TRABD2B: variants seen among roughly 807,000 people sequenced by gnomAD.
The protein encoded by TRABD2B is metalloprotease TIKI2.
A neutral mutation model predicts 40.1 loss-of-function variants in TRABD2B; 14 were observed. The observed-to-expected ratio is 0.35, with a 90% CI of 0.23 to 0.55. The LOEUF is 0.55. TRABD2B is among the 20% of genes least tolerant of loss of function. TRABD2B has a pLI of 0.90. For missense variants in TRABD2B, 541 were observed against 648.6 expected (o/e 0.83, Z 1.80); for synonymous variants, 263 against 277.0 (o/e 0.95, Z 0.50).
intron 2 of TRABD2B, among the ~76,000 whole-genome samples, chr1:47,937,936 C>T (rs543871942): frequency 1.3e-5 from 2 of 152,298 alleles, no homozygotes; most frequent in East Asian, 1.9e-4. Context: ...TTCCTTGTTC[C>T]AAGAGGATAT....
At chr1:47,930,721 A>G (rs1179422665) in intron 2 of TRABD2B, among the ~76,000 whole-genome samples, 2 of 151,744 alleles carry the variant, frequency 1.3e-5, no homozygotes, top group African/African-American at 4.8e-5. Context: ...TGAATCACAC[A>G]ACTCCTCTCT....
At chr1:47,891,822 A>AAAC (rs960357317) in intron 2 of TRABD2B, among the ~76,000 whole-genome samples, 2 of 152,018 alleles carry the variant, frequency 1.3e-5, no homozygotes, top group African/African-American at 4.8e-5. Context: ...AAACAAAACA[A>AAAC]AACAACAACA....
chr1:47,875,504 T>C (rs1007659309), intron 2 of TRABD2B, among the ~76,000 whole-genome samples: 4 of 151,530 alleles, frequency 2.6e-5, no homozygotes, highest in African/African-American at 7.3e-5. Context: ...CTGGGCAATA[T>C]GGCAAAACCC....
At chr1:47,859,815 G>A (rs191811244) in intron 2 of TRABD2B, among the ~76,000 whole-genome samples, 122 of 152,270 alleles carry the variant, frequency 8.0e-4, no homozygotes, top group African/African-American at 2.5e-3. Flanking sequence ...CAGGGCTGAC[G>A]TCATTCTATT....
At chr1:47,829,048 G>T (rs537370949) in intron 2 of TRABD2B, among the ~76,000 whole-genome samples, 1 of 152,300 alleles carries the variant, frequency 6.6e-6, no homozygotes, top group Admixed American at 6.5e-5. Context: ...GGGGAGGGCA[G>T]GGAGGGTCAT....
intron 2 of TRABD2B, among the ~76,000 whole-genome samples, chr1:47,940,959 A>C (rs543587721): frequency 1.3e-5 from 2 of 152,142 alleles, no homozygotes; most frequent in African/African-American, 4.8e-5. Flanking sequence ...AGCCCAGAAG[A>C]GCAGTAGGGC....
intron 2 of TRABD2B, among the ~76,000 whole-genome samples, chr1:47,868,616 C>T (rs907093641): frequency 6.6e-6 from 1 of 152,136 alleles, no homozygotes; most frequent in Non-Finnish European, 1.5e-5. Flanking sequence ...GCTGCATGCT[C>T]CTTAGGAGAA....
At chr1:47,975,491 A>C (rs144235363) in intron 2 of TRABD2B, among the ~76,000 whole-genome samples, 187 of 152,352 alleles carry the variant, frequency 1.2e-3, no homozygotes, top group African/African-American at 4.2e-3. Flanking sequence ...TGTGCACCTG[A>C]AACATTGTAA....
At chr1:47,932,984 A>G (rs904024862) in intron 2 of TRABD2B, among the ~76,000 whole-genome samples, 1 of 152,094 alleles carries the variant, frequency 6.6e-6, no homozygotes, top group Non-Finnish European at 1.5e-5. Context: ...TTTGAGTCTG[A>G]GCTTTGTAAT....
At chr1:47,960,786 C>T (rs925247784) in intron 2 of TRABD2B, among the ~76,000 whole-genome samples, 1 of 152,046 alleles carries the variant, frequency 6.6e-6, no homozygotes, top group Non-Finnish European at 1.5e-5. Flanking sequence ...GCCATACTGC[C>T]CAAGGTAATT....
chr1:47,816,288 C>T (rs1645031981), intron 2 of TRABD2B, among the ~76,000 whole-genome samples: 1 of 152,154 alleles, frequency 6.6e-6, no homozygotes, highest in African/African-American at 2.4e-5. Context: ...AAAGGGCATG[C>T]TGTGTGTGGG....
chr1:47,806,619 C>G (rs951793444), intron 2 of TRABD2B, among the ~76,000 whole-genome samples: 2 of 152,212 alleles, frequency 1.3e-5, no homozygotes, highest in Non-Finnish European at 2.9e-5. Flanking sequence ...GTGGACTCCC[C>G]TCACCAACGC....
chr1:47,848,361 G>T (rs911522189), intron 2 of TRABD2B, among the ~76,000 whole-genome samples: 1 of 152,160 alleles, frequency 6.6e-6, no homozygotes, highest in East Asian at 1.9e-4. Flanking sequence ...CAGGATCAGG[G>T]CTCTGGCTGT....
chr1:47,997,284 G>T lies in TRABD2B; in HGVS notation c.-495C>A, dbSNP rs1570440011. Reference sequence around the variant, plus strand: ...CAGGGGTGGGGGGCGGCTCTGGGGCGACCGGCTGCCCCCGAGCCCGGCTCA... The same window carrying T: ...CAGGGGTGGGGGGCGGCTCTGGGGCTACCGGCTGCCCCCGAGCCCGGCTCA... On this transcript the variant is annotated 5_prime_UTR_variant, in exon 1 of 7. Coordinates refer to ENST00000606738, the MANE Select transcript of TRABD2B (RefSeq NM_001194986.2). The T allele has an allele frequency of 1.1e-6, 1 of 928,042 alleles. No individual in the cohort carries two copies. The highest frequency in any genetic ancestry group is 1.8e-5 in the African/African-American group (1 of 55,034). 57.5% of individuals were successfully genotyped at this position (928,042 alleles called of 1,614,324 possible).
At chr1:47,775,004 A>G (rs1236274839) in intron 6 of TRABD2B, among the ~76,000 whole-genome samples, 166 bp downstream of exon 6, 1 of 152,260 alleles carries the variant, frequency 6.6e-6, no homozygotes, top group East Asian at 1.9e-4. Flanking sequence ...TGTTTTGAGA[A>G]TAAAACTGAA....
intron 2 of TRABD2B, among the ~76,000 whole-genome samples, chr1:47,993,515 C>T (rs303911): frequency 0.044 from 6,773 of 152,208 alleles, 506 homozygotes; most frequent in African/African-American, 0.15. Flanking sequence ...TGCACAGAGC[C>T]GGGAAACTGA....
intron 2 of TRABD2B, among the ~76,000 whole-genome samples, chr1:47,975,573 A>T (rs1221092906): frequency 6.6e-6 from 1 of 152,194 alleles, no homozygotes; most frequent in Non-Finnish European, 1.5e-5. Flanking sequence ...TCAATGACAA[A>T]AATAACAAAT....
intron 2 of TRABD2B, among the ~76,000 whole-genome samples, chr1:47,949,690 G>A (rs1263356935): frequency 1.3e-5 from 2 of 151,974 alleles, no homozygotes; most frequent in Non-Finnish European, 2.9e-5. Flanking sequence ...TTACAGGTGT[G>A]AGCCACTGTG....
chr1:47,767,228 G>T (rs1644316894), intron 6 of TRABD2B, among the ~76,000 whole-genome samples: 2 of 152,160 alleles, frequency 1.3e-5, no homozygotes, highest in Admixed American at 1.3e-4. Flanking sequence ...TATCCTCGAG[G>T]AACCCTGAGC....
Sources: gnomAD v4.1 joint callset for allele counts (sites outside exome capture counted in the v4.1 genomes callset) on GRCh38, gnomAD v4.1.1 for gene constraint, MANE v1.5 for transcripts, NCBI Gene and HGNC (gene_info 2026-07-23, HGNC 2026-07-21) for gene names.